The following LIN7A variants were observed in gnomAD, a reference collection of about 807,000 sequenced individuals.
LIN7A encodes protein lin-7 homolog A.
In LIN7A, 25 loss-of-function variants were observed where a neutral mutation model predicts 29.8. The observed-to-expected ratio is 0.84, with a 90% CI of 0.61 to 1.17. LIN7A has a LOEUF of 1.17. Among genes scored for constraint, LIN7A ranks in the 50% most tolerant of loss-of-function variants. LIN7A has a pLI of 0.00. For synonymous variants in LIN7A, 118 were observed against 107.5 expected, an observed-to-expected ratio of 1.10 and a Z score of -0.60; for missense variants, 239 against 287.0, an observed-to-expected ratio of 0.83 and a Z score of 1.21.
chr12:80,922,519 A>T (rs183812691), intron 1 of LIN7A, among the ~76,000 whole-genome samples: 7 of 152,326 alleles, frequency 4.6e-5, no homozygotes, highest in Admixed American at 3.9e-4. Flanking sequence ...ACTGAAAGGT[A>T]ACCTGAATGT....
At chr12:80,800,489 CAAAAAAAAAAAAAAAAA>C (rs55772850) in intron 5 of LIN7A, among the ~76,000 whole-genome samples, 3 of 38,066 alleles carry the variant, frequency 7.9e-5, no homozygotes, top group Non-Finnish European at 1.4e-4. Context: ...AACTCCGTCT[CAAAAAAAAAAAAAAAAA>C]AAAAAAAAAA....
intron 1 of LIN7A, 99 bp from the exon 2 acceptor site, chr12:80,889,468 A>G: frequency 1.3e-6 from 1 of 749,150 alleles, no homozygotes; most frequent in Non-Finnish European, 2.3e-6. Context: ...TTGAAAAGCA[A>G]GTGGACTTAA....
At chr12:80,802,933 C>A (rs1746513239) in intron 5 of LIN7A, among the ~76,000 whole-genome samples, 1 of 152,136 alleles carries the variant, frequency 6.6e-6, no homozygotes, top group Non-Finnish European at 1.5e-5. Context: ...ATACCTTAGG[C>A]TTCTTTTGAG....
At chr12:80,915,176 A>G (rs552077660) in intron 1 of LIN7A, among the ~76,000 whole-genome samples, 130 of 151,220 alleles carry the variant, frequency 8.6e-4, no homozygotes, top group Non-Finnish European at 1.1e-3. Context: ...ACAAAAAAAC[A>G]AAAAAAATTA....
intron 1 of LIN7A, among the ~76,000 whole-genome samples, chr12:80,921,469 T>C (rs7487519): frequency 0.32 from 41,455 of 129,240 alleles, 9,108 homozygotes; most frequent in African/African-American, 0.61. Flanking sequence ...CTGACGAGGG[T>C]CTTCTTCTGG....
intron 2 of LIN7A, among the ~76,000 whole-genome samples, chr12:80,879,280 T>G (rs1356961): frequency 0.68 from 103,019 of 151,438 alleles, 38,994 homozygotes; most frequent in Non-Finnish European, 0.87. Flanking sequence ...GGGGGTGGGA[T>G]AGAGAGGAGA....
intron 1 of LIN7A, among the ~76,000 whole-genome samples, chr12:80,933,633 A>G (rs749422776): frequency 2.6e-5 from 4 of 151,856 alleles, no homozygotes; most frequent in Non-Finnish European, 5.9e-5. Flanking sequence ...TACACATCCC[A>G]TTTTTCATAT....
chr12:80,926,629 T>TGAACA (rs1350846616), intron 1 of LIN7A, among the ~76,000 whole-genome samples: 2 of 152,200 alleles, frequency 1.3e-5, no homozygotes, highest in Non-Finnish European at 2.9e-5. Context: ...TGATGTGATG[T>TGAACA]GAACAGAAAT....
In LIN7A at chr12:80,842,465, C is replaced by G. The variant is rs563586755; in HGVS notation, c.483+3265G>C. ...CTTATACTAAAGTAGTTAAGGTTTG[C>G]TTTAGCCCTCCAAAGCACTTCCTTT... On this transcript the variant is annotated intron_variant, in intron 4 of 5. Coordinates refer to ENST00000552864, the MANE Select transcript of LIN7A (RefSeq NM_004664.4). Among the ~76,000 whole-genome samples, 6 of 152,202 alleles carry G rather than the reference C, an allele frequency of 3.9e-5. No homozygotes were observed. The South Asian group carries it at 1.2e-3, about 31-fold the overall frequency.
intron 2 of LIN7A, among the ~76,000 whole-genome samples, chr12:80,881,310 A>G (rs1235816428): frequency 1.3e-5 from 2 of 152,206 alleles, no homozygotes; most frequent in African/African-American, 2.4e-5. Context: ...AAATCAAAGG[A>G]AATGTAGGAG....
intron 1 of LIN7A, among the ~76,000 whole-genome samples, chr12:80,892,971 T>C (rs1169952068): frequency 6.6e-6 from 1 of 152,210 alleles, no homozygotes. Context: ...GAAATGCAGA[T>C]GCCTAATCCT....
At chr12:80,828,444 C>T (rs1040022829) in intron 4 of LIN7A, among the ~76,000 whole-genome samples, 6 of 151,900 alleles carry the variant, frequency 3.9e-5, no homozygotes, top group Non-Finnish European at 8.8e-5. Context: ...CATTATTAAC[C>T]AAGAAAGCAA....
At chr12:80,870,642 C>T (rs1874381104) in intron 2 of LIN7A, among the ~76,000 whole-genome samples, 1 of 152,180 alleles carries the variant, frequency 6.6e-6, no homozygotes, top group African/African-American at 2.4e-5. Flanking sequence ...TTGGTACCCT[C>T]ATCTACAGAT....
At chr12:80,903,192 TAATAA>T (rs1413240115) in intron 1 of LIN7A, among the ~76,000 whole-genome samples, 1 of 151,904 alleles carries the variant, frequency 6.6e-6, no homozygotes, top group African/African-American at 2.4e-5. Context: ...TATTTTATAA[TAATAA>T]AATAAATTAA....
At chr12:80,808,938 C>T (rs2121512391) in intron 5 of LIN7A, among the ~76,000 whole-genome samples, 1 of 151,672 alleles carries the variant, frequency 6.6e-6, no homozygotes, top group Admixed American at 6.6e-5. Context: ...AGGACAAATC[C>T]CTATCTTTTC....
intron 4 of LIN7A, among the ~76,000 whole-genome samples, chr12:80,821,376 T>G (rs765652823): frequency 1.3e-5 from 2 of 152,158 alleles, no homozygotes; most frequent in Non-Finnish European, 2.9e-5. Context: ...CAGTGCATAG[T>G]AGTGCCTGGT....
intron 2 of LIN7A, among the ~76,000 whole-genome samples, chr12:80,862,803 G>GC (rs1159526403): frequency 2.0e-5 from 3 of 152,194 alleles, no homozygotes; most frequent in African/African-American, 7.2e-5. Context: ...GCAGAGCATT[G>GC]CCTTGTTCAT....
chr12:80,920,224 G>T (rs1877233624), intron 1 of LIN7A, among the ~76,000 whole-genome samples: 1 of 152,056 alleles, frequency 6.6e-6, no homozygotes, highest in Non-Finnish European at 1.5e-5. Flanking sequence ...CTTCACTTAT[G>T]GATGCTGAAA....
intron 4 of LIN7A, among the ~76,000 whole-genome samples, chr12:80,842,301 T>C (rs559665568): frequency 6.6e-6 from 1 of 152,306 alleles, no homozygotes; most frequent in East Asian, 1.9e-4. Flanking sequence ...TCCATGGACA[T>C]TTAAACATCT....
Sources: allele counts gnomAD v4.1 joint callset (sites outside exome capture counted in the v4.1 genomes callset), GRCh38; gene constraint gnomAD v4.1.1; transcripts MANE v1.5; gene names NCBI Gene and HGNC (gene_info 2026-07-23, HGNC 2026-07-21).